The following CHRND variants were observed in gnomAD, a reference collection of about 807,000 sequenced individuals.
CHRND encodes cholinergic receptor nicotinic delta subunit, also known as acetylcholine receptor subunit delta.
In CHRND, 40 loss-of-function variants were observed where a neutral mutation model predicts 57.8. The observed-to-expected ratio is 0.69, with a 90% CI of 0.54 to 0.90. CHRND has a LOEUF of 0.90. Among genes scored for constraint, CHRND ranks in the 40% least tolerant of loss-of-function variants. The pLI is 0.00. For synonymous variants in CHRND, 237 were observed against 270.6 expected (o/e 0.88, Z 1.22); for missense variants, 634 against 673.9 (o/e 0.94, Z 0.66).
intron 9 of CHRND, 49 bp from the exon 10 acceptor site, chr2:232,533,882 A>C: frequency 3.8e-6 from 6 of 1,592,326 alleles, no homozygotes; most frequent in Non-Finnish European, 5.1e-6. Flanking sequence ...TCTCAAAAAC[A>C]AAGAACAAAA....
chr2:232,529,116 C>T (rs1037364651), intron 6 of CHRND, 145 bp downstream of exon 6: 6 of 694,200 alleles, frequency 8.6e-6, no homozygotes, highest in African/African-American at 1.8e-5. Flanking sequence ...CAGCTAGACA[C>T]AGAAGGGCAG....
chr2:232,529,317 G>A (rs1324944887), intron 6 of CHRND, among the ~76,000 whole-genome samples: 1 of 152,180 alleles, frequency 6.6e-6, no homozygotes, highest in East Asian at 1.9e-4. Context: ...TGAGCCCAGG[G>A]GTGTGGTTGG....
At chr2:232,532,421 T>C (rs1013077249) in intron 9 of CHRND, among the ~76,000 whole-genome samples, 1 of 136,880 alleles carries the variant, frequency 7.3e-6, no homozygotes, top group Non-Finnish European at 1.5e-5. Context: ...TGAGCCGAGA[T>C]CTCACCACTG....
chr2:232,531,132 G>A (rs1574633555), intron 7 of CHRND, among the ~76,000 whole-genome samples: 1 of 152,304 alleles, frequency 6.6e-6, no homozygotes, highest in East Asian at 1.9e-4. Context: ...GCACAGAGAG[G>A]TTGGGCTACT....
chr2:232,526,706 G>A (rs766424772), intron 2 of CHRND, 32 bp downstream of exon 2: 3 of 1,609,466 alleles, frequency 1.9e-6, no homozygotes, highest in Non-Finnish European at 2.5e-6. Flanking sequence ...GGTTGGGAGG[G>A]AGGGCAGGGA....
chr2:232,527,155 C>T (rs949274429), intron 2 of CHRND, among the ~76,000 whole-genome samples: 27 of 152,066 alleles, frequency 1.8e-4, no homozygotes, highest in African/African-American at 6.5e-4. Flanking sequence ...AAAAATTAGC[C>T]GGGTGTGATG....
intron 5 of CHRND, 23 bp from the exon 6 acceptor site, chr2:232,528,839 T>C (rs1389791861): frequency 1.9e-6 from 3 of 1,599,456 alleles, no homozygotes; most frequent in African/African-American, 2.7e-5. Flanking sequence ...CGAGTGTCAC[T>C]CTCTGCCCAT....
At chr2:232,530,173 C>CCCCAAG in intron 7 of CHRND, 34 bp downstream of exon 7, 1 of 1,603,292 alleles carries the variant, frequency 6.2e-7, no homozygotes, top group Non-Finnish European at 8.5e-7. Context: ...TGCTCCCCCT[C>CCCCAAG]CCCAAGCCCA....
At chr2:232,531,722 G>A (rs1691706191) in intron 9 of CHRND, 66 bp downstream of exon 9, 3 of 1,387,192 alleles carry the variant, frequency 2.2e-6, no homozygotes, top group Admixed American at 1.7e-5. Context: ...GCTGAGGCGG[G>A]AGAATCTCTT....
rs189776337 is a variant in CHRND at position 232,530,645 on chromosome 2, C to A, written c.820+506C>A. ...GGGTCAAAGGCCACCCAGCCCCTGCCCCCGGCAGGACTTGAGGAGGGAGAA... is the reference window on the plus strand; with the variant it reads ...GGGTCAAAGGCCACCCAGCCCCTGCACCCGGCAGGACTTGAGGAGGGAGAA... On this transcript the variant is annotated intron_variant, in intron 7 of 11. Coordinates refer to ENST00000258385, the MANE Select transcript of CHRND (RefSeq NM_000751.3). Among the ~76,000 whole-genome samples the A allele has an allele frequency of 4.6e-5, 7 of 152,338 alleles. No homozygotes were observed. The East Asian group carries it at 1.4e-3, about 29-fold the overall frequency.
chr2:232,534,313 C>T lies in CHRND; in HGVS notation c.1342C>T (p.His448Tyr). Residue 448 changes from histidine (H) to tyrosine (Y), a missense_variant, in exon 11 of 12, where the codon CAC (histidine) becomes TAC (tyrosine). By Grantham distance (83) the His-to-Tyr change is moderately conservative. Coordinates refer to ENST00000258385, the MANE Select transcript of CHRND (RefSeq NM_000751.3). ...GGATGGGGCAAACTTCATTGTTAAC[C>T]ACATGAGGGACCAGAACAATTACAA... ...AVDGANFIVN[H>Y]MRDQNNYNEE... is the part of the protein sequence containing the mutation. 6.2e-7 allele frequency: 1 copy of T among 1,614,186 alleles called. No homozygotes were observed. Among genetic ancestry groups the T allele is most frequent in the Non-Finnish European group, 8.5e-7 (1 of 1,180,012 alleles).
At chr2:232,526,293 T>C in intron 1 of CHRND, 26 bp downstream of exon 1, 1 of 1,608,542 alleles carries the variant, frequency 6.2e-7, no homozygotes, top group Non-Finnish European at 8.5e-7. Flanking sequence ...CTCCCCACCC[T>C]GGGGTCCCCC....
At chr2:232,530,197 A>G (rs913084304) in intron 7 of CHRND, 58 bp downstream of exon 7, 15 of 1,549,832 alleles carry the variant, frequency 9.7e-6, no homozygotes, top group Admixed American at 1.7e-5. Context: ...GAGCACAGCC[A>G]GCCCCAGCCC....
Position 232,536,507 on chromosome 2 carries a change from T to A in CHRND, c.*1195T>A. 1 of 453,138 alleles carries A rather than the reference T, an allele frequency of 2.2e-6. No individual in the cohort carries two copies. The allele number at this position is 453,138 out of a possible 1,614,324, so 28.1% of individuals were successfully genotyped here. A position where few individuals can be genotyped will look rare whatever the true frequency, so the allele number is the denominator to read the frequency against. On this transcript the variant is annotated 3_prime_UTR_variant, in exon 12 of 12. Transcript: ENST00000258385. ...CGTGAGTGAATGTGGAAGTGGATCCTCTGCCCCAGTAGGGCCTTCGGATGA... is the reference window on the plus strand; with the variant it reads ...CGTGAGTGAATGTGGAAGTGGATCCACTGCCCCAGTAGGGCCTTCGGATGA...
Position 232,535,847 on chromosome 2 carries a change from T to C in CHRND, c.*535T>C. The C allele has an allele frequency of 2.2e-6, 1 of 454,112 alleles. No individual in the cohort carries two copies. The highest frequency in any genetic ancestry group is 4.4e-6 in the Non-Finnish European group (1 of 226,808). The allele number at this position is 454,112 out of a possible 1,614,324, so 28.1% of individuals were successfully genotyped here. On this transcript the variant is annotated 3_prime_UTR_variant, in exon 12 of 12. Coordinates refer to ENST00000258385, the MANE Select transcript of CHRND (RefSeq NM_000751.3). ...CTCTTTCTGCCTTGACCTCTCTGCC[T>C]AGGTCCCTTTGGGAAGTTGAGGACT...
chr2:232,526,736 T>A, intron 2 of CHRND, 62 bp downstream of exon 2: 4 of 1,568,438 alleles, frequency 2.6e-6, no homozygotes, highest in Non-Finnish European at 1.8e-6. Context: ...AGTACCAGGA[T>A]AGCCATGGAG....
Position 232,531,458 on chromosome 2 carries a change from C to T in CHRND, c.927C>T (p.Ile309=), listed in dbSNP as rs374817005. The T allele has an allele frequency of 2.5e-6, 4 of 1,613,938 alleles. No individual in the cohort carries two copies. The highest frequency in any genetic ancestry group is 1.7e-5 in the Admixed American group (1 of 60,018). Residue 309 remains isoleucine, a synonymous_variant, in exon 8 of 12, where the codon ATC becomes ATT. Transcript: ENST00000258385. ...LPATSMAIPL[I]GKFLLFGMVL... ...CCACATCCATGGCCATCCCCCTTAT[C>T]GGCAAGTGAGTGACGCTCAAGCCCG...
At chr2:232,527,805 A>AT (rs1691538611) in intron 3 of CHRND, among the ~76,000 whole-genome samples, 2 of 152,112 alleles carry the variant, frequency 1.3e-5, no homozygotes, top group Admixed American at 6.6e-5. Context: ...AGGGCACCAG[A>AT]TTGCTTCTGC....
intron 2 of CHRND, 88 bp downstream of exon 2, chr2:232,526,762 C>G (rs1691486645): frequency 7.0e-7 from 1 of 1,434,094 alleles, no homozygotes; most frequent in Admixed American, 1.7e-5. Flanking sequence ...TAGAAGCCCC[C>G]ACCTGGCCTA....
Sources: allele counts gnomAD v4.1 joint callset (sites outside exome capture counted in the v4.1 genomes callset), GRCh38; gene constraint gnomAD v4.1.1; transcripts MANE v1.5; gene names NCBI Gene and HGNC (gene_info 2026-07-23, HGNC 2026-07-21).